KCNH7: variants seen among roughly 807,000 people sequenced by gnomAD.
KCNH7 encodes potassium voltage-gated channel subfamily H member 7.
KCNH7 carries 49 observed loss-of-function variants against 120.8 expected under a neutral mutation model. That is an observed-to-expected ratio of 0.41 (90% CI 0.32 to 0.51). The LOEUF is 0.51. Among genes scored for constraint, KCNH7 ranks in the 20% least tolerant of loss-of-function variants. The pLI, the probability that KCNH7 is intolerant of heterozygous loss-of-function variation, is 0.38. For synonymous variants in KCNH7, 547 were observed against 516.1 expected (o/e 1.06, Z -0.81); for missense variants, 1,097 against 1,446.6 (o/e 0.76, Z 3.92).
chr2:162,578,911 T>G lies in KCNH7; in HGVS notation c.308-41831A>C, dbSNP rs192876556. ...GTTCTACTAAAATCAAAAATTAGTTTTCATTCAGATTTATGAGTTTTTTTT... is the reference window on the plus strand; with the variant it reads ...GTTCTACTAAAATCAAAAATTAGTTGTCATTCAGATTTATGAGTTTTTTTT... On this transcript the variant is annotated intron_variant, in intron 2 of 15. Coordinates refer to ENST00000332142, the MANE Select transcript of KCNH7 (RefSeq NM_033272.4). 2.5e-4 allele frequency among the ~76,000 whole-genome samples: 38 copies of G among 151,502 alleles called. 1 individual carries two copies. The highest frequency in any genetic ancestry group is 9.9e-4 in the Admixed American group (15 of 15,218).
intron 6 of KCNH7, among the ~76,000 whole-genome samples, chr2:162,462,435 C>A (rs749610506): frequency 2.0e-5 from 3 of 151,640 alleles, no homozygotes; most frequent in Non-Finnish European, 4.4e-5. Context: ...GTTAAAAATC[C>A]CTAACATAAG....
chr2:162,692,927 C>T (rs1686166153), intron 2 of KCNH7, among the ~76,000 whole-genome samples: 1 of 151,496 alleles, frequency 6.6e-6, no homozygotes, highest in African/African-American at 2.4e-5. Context: ...TCCAGATACA[C>T]CTTCTAAATA....
At chr2:162,819,166 A>C (rs989131446) in intron 2 of KCNH7, among the ~76,000 whole-genome samples, 2 of 152,166 alleles carry the variant, frequency 1.3e-5, no homozygotes, top group African/African-American at 4.8e-5. Flanking sequence ...AAATGATCTA[A>C]AGGACAATAT....
chr2:162,468,499 ATTTATTCTTTTCC>A (rs1689382869), intron 6 of KCNH7, among the ~76,000 whole-genome samples: 1 of 90,484 alleles, frequency 1.1e-5, no homozygotes, highest in African/African-American at 4.4e-5. Context: ...TGGGCAAGGT[ATTTATTCTTTTCC>A]TTTTTTTTTT....
chr2:162,647,458 A>G (rs1684403799), intron 2 of KCNH7, among the ~76,000 whole-genome samples: 1 of 152,124 alleles, frequency 6.6e-6, no homozygotes, highest in Admixed American at 6.6e-5. Context: ...TTATGTTTAT[A>G]TCCTAATATG....
At chr2:162,466,302 T>C (rs995680179) in intron 6 of KCNH7, among the ~76,000 whole-genome samples, 1 of 152,138 alleles carries the variant, frequency 6.6e-6, no homozygotes, top group Non-Finnish European at 1.5e-5. Flanking sequence ...CTGGGTAATT[T>C]ATAAAAAGAA....
intron 6 of KCNH7, among the ~76,000 whole-genome samples, chr2:162,449,156 G>A (rs79381846): frequency 0.019 from 2,824 of 152,114 alleles, 85 homozygotes; most frequent in African/African-American, 0.064. Context: ...CAGGGAAGTA[G>A]GGTAGAGGAC....
intron 2 of KCNH7, among the ~76,000 whole-genome samples, chr2:162,821,089 C>G (rs1346568065): frequency 6.6e-6 from 1 of 152,170 alleles, no homozygotes; most frequent in Non-Finnish European, 1.5e-5. Context: ...ACACATATAA[C>G]TAAGGCCTAA....
intron 2 of KCNH7, chr2:162,798,031 T>C (rs1684205573): frequency 6.6e-6 from 1 of 152,054 alleles, no homozygotes; most frequent in African/African-American, 2.4e-5. Flanking sequence ...AGAATAGTAA[T>C]AGAAGTTGTA....
intron 9 of KCNH7, among the ~76,000 whole-genome samples, chr2:162,413,997 T>C (rs1017617178): frequency 2.0e-5 from 3 of 152,030 alleles, no homozygotes; most frequent in African/African-American, 4.8e-5. Context: ...AATATGTGTG[T>C]ATGTATATAT....
At position 162,838,526 on chromosome 2, in the gene KCNH7, C is replaced by T. The variant is rs375707944; in HGVS notation, c.-8G>A. 3.1e-6 allele frequency: 5 copies of T among 1,610,668 alleles called. No individual in the cohort carries two copies. The highest frequency in any genetic ancestry group is 2.2e-5 in the East Asian group (1 of 44,846). ...CCCCCTGCGCACAGGCATGTTGGCC[C>T]CGGTCTTCCGAGGAGCGCTCCCCCG... On this transcript the variant is annotated 5_prime_UTR_variant, in exon 1 of 16. Transcript: ENST00000332142.
chr2:162,601,177 G>T (rs190777438), intron 2 of KCNH7, among the ~76,000 whole-genome samples: 1 of 151,846 alleles, frequency 6.6e-6, no homozygotes, highest in African/African-American at 2.4e-5. Flanking sequence ...TATGGTTCAC[G>T]ATGCTCCAGT....
At chr2:162,618,770 C>G (rs1262168737) in intron 2 of KCNH7, among the ~76,000 whole-genome samples, 2 of 152,178 alleles carry the variant, frequency 1.3e-5, no homozygotes, top group East Asian at 1.9e-4. Flanking sequence ...TCGATATACA[C>G]TAGAGAAGGT....
intron 2 of KCNH7, among the ~76,000 whole-genome samples, chr2:162,618,327 G>T (rs1182196003): frequency 6.6e-6 from 1 of 151,826 alleles, no homozygotes; most frequent in Admixed American, 6.6e-5. Flanking sequence ...GGTTAGGAAA[G>T]ATAAAATCAA....
At position 162,566,079 on chromosome 2, in the gene KCNH7, T is replaced by C. The variant is rs183343689; in HGVS notation, c.308-28999A>G. On this transcript the variant is annotated intron_variant, in intron 2 of 15. Coordinates refer to ENST00000332142, the MANE Select transcript of KCNH7 (RefSeq NM_033272.4). ...GAACCATGACCTGCCACTTTAATGC[T>C]CATAGTGGGGGACTGAAAGTTTTCA... Among the ~76,000 whole-genome samples the C allele has an allele frequency of 5.9e-5, 9 of 152,108 alleles. No homozygotes were observed. The East Asian group carries it at 1.5e-3, about 26-fold the overall frequency.
chr2:162,564,862 C>T (rs996404926), intron 2 of KCNH7, among the ~76,000 whole-genome samples: 5 of 152,112 alleles, frequency 3.3e-5, no homozygotes, highest in Middle Eastern at 3.4e-3. Context: ...ATTTCATGAA[C>T]TTGGAAAATC....
At position 162,435,203 on chromosome 2, in the gene KCNH7, A is replaced by G; in HGVS notation, c.1949T>C (p.Ile650Thr). 1 of 1,611,632 alleles carries G rather than the reference A, an allele frequency of 6.2e-7. No homozygotes were observed. Among genetic ancestry groups the G allele is most frequent in the Non-Finnish European group, 8.5e-7 (1 of 1,178,506 alleles). The change falls in exon 8 of 16, where the codon ATT (isoleucine) becomes ACT (threonine). Residue 650 changes from isoleucine (I) to threonine (T), a missense_variant. Transcript: ENST00000332142. ...CAGAAGAGAAAGCTACTTACAGCCA[A>G]TCAACATGACACAAATTGAAAAGAT... ...EKIFSICVMLIGSLMYASIFG... is the reference protein window; with the variant it reads ...EKIFSICVMLTGSLMYASIFG...
intron 2 of KCNH7, among the ~76,000 whole-genome samples, chr2:162,752,910 A>AAAGAAAAG (rs1688617516): frequency 2.3e-5 from 1 of 43,302 alleles, no homozygotes; most frequent in African/African-American, 1.3e-4. Flanking sequence ...CAGAAAAAGA[A>AAAGAAAAG]AAGAAAAGAA....
chr2:162,659,305 A>C (rs1322166570), intron 2 of KCNH7, among the ~76,000 whole-genome samples: 1 of 150,546 alleles, frequency 6.6e-6, no homozygotes, highest in Non-Finnish European at 1.5e-5. Context: ...TGCATATTGC[A>C]TACTGGAATA....
Sources: allele counts gnomAD v4.1 joint callset (sites outside exome capture counted in the v4.1 genomes callset), GRCh38; gene constraint gnomAD v4.1.1; transcripts MANE v1.5; gene names NCBI Gene and HGNC (gene_info 2026-07-23, HGNC 2026-07-21).